The following PLEKHB2 variants were observed in gnomAD, a reference collection of about 807,000 sequenced individuals.
PLEKHB2 encodes the protein pleckstrin homology domain containing B2, also known as pleckstrin homology domain-containing family B member 2.
PLEKHB2 carries 31 observed loss-of-function variants against 36.5 expected under a neutral mutation model. That is an observed-to-expected ratio of 0.85 (90% CI 0.64 to 1.15). The LOEUF is 1.15. Among genes scored for constraint, PLEKHB2 ranks in the 50% most tolerant of loss-of-function variants. The pLI, the probability that PLEKHB2 is intolerant of heterozygous loss-of-function variation, is 0.00. For missense variants in PLEKHB2, 262 were observed against 295.3 expected (o/e 0.89, Z 0.83); for synonymous variants, 119 against 112.0 (o/e 1.06, Z -0.39).
chr2:131,107,186 A>T (rs971070728), intron 1 of PLEKHB2, among the ~76,000 whole-genome samples: 1 of 152,234 alleles, frequency 6.6e-6, no homozygotes. Context: ...AGTAACTACC[A>T]AAAACTGCAA....
chr2:131,137,317 TCAAG>T (rs1364629528), intron 6 of PLEKHB2, among the ~76,000 whole-genome samples: 1 of 152,224 alleles, frequency 6.6e-6, no homozygotes, highest in Non-Finnish European at 1.5e-5. Flanking sequence ...AAGCCCAAGG[TCAAG>T]GTGTTGGGCA....
chr2:131,115,717 AG>A (rs1695808387), intron 1 of PLEKHB2, among the ~76,000 whole-genome samples: 1 of 152,136 alleles, frequency 6.6e-6, no homozygotes, highest in East Asian at 1.9e-4. Flanking sequence ...TCTTATACCC[AG>A]GGTACCTTTC....
At chr2:131,125,701 G>GT in intron 2 of PLEKHB2, 52 bp from the exon 3 acceptor site, 1 of 1,483,634 alleles carries the variant, frequency 6.7e-7, no homozygotes, top group South Asian at 1.2e-5. Context: ...GGGCGAAATA[G>GT]TAAGACTGTC....
chr2:131,119,970 CTTTT>C (rs1212612084), intron 1 of PLEKHB2, among the ~76,000 whole-genome samples: 4 of 136,708 alleles, frequency 2.9e-5, no homozygotes, highest in Non-Finnish European at 3.2e-5. Context: ...TCTTCTTCTT[CTTTT>C]TTTTTTTTTT....
intron 5 of PLEKHB2, among the ~76,000 whole-genome samples, chr2:131,132,561 A>G (rs890268063): frequency 6.6e-6 from 1 of 151,988 alleles, no homozygotes; most frequent in African/African-American, 2.4e-5. Flanking sequence ...AGCCTCCCCA[A>G]AGTGTTGGGA....
chr2:131,125,823 T>C lies in PLEKHB2; in HGVS notation c.108T>C (p.Asp36=), dbSNP rs572075567. The C allele has an allele frequency of 1.9e-5, 31 of 1,613,850 alleles. No individual in the cohort carries two copies. The South Asian group carries it at 3.1e-4, about 16-fold the overall frequency. Residue 36 remains aspartate (D), a synonymous_variant, in exon 3 of 8, where the codon GAT becomes GAC. Coordinates refer to ENST00000693505, the MANE Select transcript of PLEKHB2 (RefSeq NM_001100623.2). The part of the protein sequence containing the change: ...LWSDGHLIYY[D]DQTRQNIEDK... The stretch of plus-strand genomic sequence containing the variant: ...CGGATGGTCACCTGATCTATTATGA[T>C]GACCAGACTCGGCAGAATATCGAGG...
At chr2:131,119,268 G>T (rs1013798650) in intron 1 of PLEKHB2, among the ~76,000 whole-genome samples, 5 of 151,874 alleles carry the variant, frequency 3.3e-5, no homozygotes, top group African/African-American at 4.8e-5. Flanking sequence ...AAAAAAAAAA[G>T]CATGCAAGTT....
At chr2:131,136,074 T>A (rs1257899009) in intron 6 of PLEKHB2, among the ~76,000 whole-genome samples, 1 of 152,136 alleles carries the variant, frequency 6.6e-6, no homozygotes. Flanking sequence ...TTATTCTTTA[T>A]CAGGTTTAGA....
At chr2:131,115,087 T>G (rs1235663650) in intron 1 of PLEKHB2, among the ~76,000 whole-genome samples, 1 of 152,156 alleles carries the variant, frequency 6.6e-6, no homozygotes, top group Non-Finnish European at 1.5e-5. Context: ...GTTCTCACAA[T>G]CATGGTGGAA....
chr2:131,145,563 G>A (rs1405951773), intron 7 of PLEKHB2, among the ~76,000 whole-genome samples: 3 of 152,032 alleles, frequency 2.0e-5, no homozygotes, highest in Non-Finnish European at 4.4e-5. Flanking sequence ...TAAAACTTCC[G>A]GCCTCAAGTG....
At chr2:131,145,629 C>G (rs1314190766) in intron 7 of PLEKHB2, among the ~76,000 whole-genome samples, 2 of 152,202 alleles carry the variant, frequency 1.3e-5, no homozygotes, top group Non-Finnish European at 2.9e-5. Context: ...GCCATCAAGC[C>G]TGGCCAGCCA....
At chr2:131,125,299 C>T (rs1696980850) in intron 2 of PLEKHB2, among the ~76,000 whole-genome samples, 1 of 152,156 alleles carries the variant, frequency 6.6e-6, no homozygotes, top group Non-Finnish European at 1.5e-5. Context: ...GAAACCCTAA[C>T]CGGAAAGTGT....
chr2:131,142,475 CTCTCTTTTTTTTT>C (rs1185560457), intron 7 of PLEKHB2, among the ~76,000 whole-genome samples: 2 of 151,222 alleles, frequency 1.3e-5, no homozygotes, highest in Non-Finnish European at 2.9e-5. Flanking sequence ...TGTTTTTTTC[CTCTCTTTTTTTTT>C]GCTATTGTAG....
rs149759146 is a variant in PLEKHB2, at chr2:131,107,288, C to T, written c.-9+1890C>T. The stretch of plus-strand genomic sequence containing the variant: ...TTGCTTCCACAGTGGATCATGGAAA[C>T]GGAAAGTTGGACTTCCTTGCCTCTT... On this transcript the variant is annotated intron_variant, in intron 1 of 7. Transcript: ENST00000693505. Among the ~76,000 whole-genome samples the T allele has an allele frequency of 3.6e-3, 555 of 152,330 alleles. 4 individuals carry two copies. The highest frequency in any genetic ancestry group is 0.012 in the African/African-American group (511 of 41,572).
At chr2:131,129,752 C>A (rs1404682670) in intron 4 of PLEKHB2, among the ~76,000 whole-genome samples, 6 of 152,156 alleles carry the variant, frequency 3.9e-5, no homozygotes, top group African/African-American at 1.4e-4. Flanking sequence ...GATCACCTAC[C>A]TTGACCTCCC....
intron 1 of PLEKHB2, among the ~76,000 whole-genome samples, chr2:131,116,877 G>A (rs995650746): frequency 6.6e-6 from 1 of 152,172 alleles, no homozygotes; most frequent in Non-Finnish European, 1.5e-5. Context: ...TGTAATCCCA[G>A]CACTTTGGGA....
intron 1 of PLEKHB2, among the ~76,000 whole-genome samples, chr2:131,106,344 G>A (rs1216392223): frequency 6.6e-6 from 1 of 152,134 alleles, no homozygotes; most frequent in Non-Finnish European, 1.5e-5. Context: ...ACAGCTGAGG[G>A]GAGGAATATT....
At chr2:131,108,558 T>C (rs1331623393) in intron 1 of PLEKHB2, among the ~76,000 whole-genome samples, 2 of 152,222 alleles carry the variant, frequency 1.3e-5, no homozygotes, top group African/African-American at 2.4e-5. Flanking sequence ...CTTTAGACTT[T>C]CTTGGGCCAC....
At chr2:131,134,948 A>C (rs1043807498) in intron 6 of PLEKHB2, among the ~76,000 whole-genome samples, 3 of 152,158 alleles carry the variant, frequency 2.0e-5, no homozygotes, top group Non-Finnish European at 2.9e-5. Context: ...TGTTAGATTT[A>C]TAAGTGTTTC....
Sources: gnomAD v4.1 joint callset for allele counts (sites outside exome capture counted in the v4.1 genomes callset) on GRCh38, gnomAD v4.1.1 for gene constraint, MANE v1.5 for transcripts, NCBI Gene and HGNC (gene_info 2026-07-23, HGNC 2026-07-21) for gene names.